TCF20: variants seen among roughly 807,000 people sequenced by gnomAD.
TCF20 encodes the protein transcription factor 20, also known as SPRE-binding protein.
In TCF20, 3 loss-of-function variants were observed where a neutral mutation model predicts 148.6. The ratio of observed to expected loss-of-function variants is 0.02; its 90% CI spans 0.01 to 0.05. The LOEUF (loss-of-function observed/expected upper bound fraction) is 0.05, where lower values mean the gene tolerates loss of function less well. Among genes scored for constraint, TCF20 ranks in the 10% least tolerant of loss-of-function variants. The pLI is 1.00. For missense variants in TCF20, 2,350 were observed against 2,429.3 expected (o/e 0.97, Z 0.69); for synonymous variants, 1,049 against 909.5 (o/e 1.15, Z -2.76).
intron 2 of TCF20, among the ~76,000 whole-genome samples, chr22:42,205,611 G>A (rs1313070461): frequency 6.6e-6 from 1 of 152,150 alleles, no homozygotes; most frequent in Non-Finnish European, 1.5e-5. Context: ...CTGGACAATT[G>A]AAACATCATC....
At position 42,163,955 on chromosome 22, in the gene TCF20, G is replaced by A. The variant is rs1472124186; in HGVS notation, c.*45-2597C>T. On this transcript the variant is annotated intron_variant, in intron 5 of 5. Transcript: ENST00000677622. ...TTGGCCTCATCCGTGGCCTGAACCCGGGACGCCATCCTCGCGTCCTTCCAC... is the reference window on the plus strand; with the variant it reads ...TTGGCCTCATCCGTGGCCTGAACCCAGGACGCCATCCTCGCGTCCTTCCAC... 4.6e-5 allele frequency among the ~76,000 whole-genome samples: 7 copies of A among 151,998 alleles called. No homozygotes were observed. The East Asian group carries it at 5.8e-4, about 13-fold the overall frequency.
chr22:42,264,555 G>T (rs779750531), intron 1 of TCF20, among the ~76,000 whole-genome samples: 4 of 152,162 alleles, frequency 2.6e-5, no homozygotes, highest in Non-Finnish European at 5.9e-5. Flanking sequence ...AACTTCTCAA[G>T]ATGCTCAGGG....
chr22:42,302,316 T>G (rs532881725), intron 1 of TCF20, among the ~76,000 whole-genome samples: 1 of 152,226 alleles, frequency 6.6e-6, no homozygotes, highest in Non-Finnish European at 1.5e-5. Context: ...AGACGGTCTC[T>G]GTGGGGACCC....
chr22:42,194,451 C>T (rs184807752), intron 2 of TCF20, among the ~76,000 whole-genome samples: 102 of 152,296 alleles, frequency 6.7e-4, no homozygotes, highest in Admixed American at 1.2e-3. Context: ...CAACCCCGGC[C>T]GCCTTGCACA....
intron 2 of TCF20, among the ~76,000 whole-genome samples, chr22:42,201,066 C>T (rs189884387): frequency 6.6e-6 from 1 of 152,260 alleles, no homozygotes; most frequent in East Asian, 1.9e-4. Context: ...TCTCACAAGA[C>T]CTGGTTGTTT....
intron 1 of TCF20, among the ~76,000 whole-genome samples, chr22:42,276,100 T>C (rs1926772660): frequency 6.6e-6 from 1 of 152,230 alleles, no homozygotes; most frequent in Non-Finnish European, 1.5e-5. Context: ...CATCATTGTC[T>C]GGGCTCCACG....
chr22:42,204,222 C>T (rs1019173772), intron 2 of TCF20, among the ~76,000 whole-genome samples: 5 of 152,192 alleles, frequency 3.3e-5, no homozygotes, highest in Admixed American at 6.5e-5. Flanking sequence ...TGGCCAGGTG[C>T]AGTGGCTCAC....
intron 1 of TCF20, among the ~76,000 whole-genome samples, chr22:42,229,559 G>C (rs1021127581): frequency 1.3e-5 from 2 of 152,180 alleles, no homozygotes; most frequent in African/African-American, 4.8e-5. Flanking sequence ...ACAGTGAAGA[G>C]AGAGGGTCAG....
chr22:42,271,820 G>A (rs765643070), upstream of TCF20, among the ~76,000 whole-genome samples: 1 of 152,224 alleles, frequency 6.6e-6, no homozygotes, highest in Non-Finnish European at 1.5e-5. Context: ...CCGGCAGCAG[G>A]TGGGGATTGT....
chr22:42,339,002 G>C (rs530174821), intron 1 of TCF20, among the ~76,000 whole-genome samples: 1 of 152,206 alleles, frequency 6.6e-6, no homozygotes, highest in East Asian at 1.9e-4. Flanking sequence ...GCCCTTTAAA[G>C]CCCTCCCACG....
Position 42,214,722 on chromosome 22 carries a change from G to A in TCF20, c.584C>T (p.Pro195Leu), listed in dbSNP as rs199879092. 1 of 1,614,128 alleles carries A rather than the reference G, an allele frequency of 6.2e-7. No individual in the cohort carries two copies. Among genetic ancestry groups the A allele is most frequent in the Admixed American group, 1.7e-5 (1 of 60,012 alleles). The stretch of plus-strand genomic sequence containing the variant: ...GGATGCTGGTTGGCCAGTGGCCTGT[G>A]GCAGGGGCTGATGGGACTGGTAAAG... ...QQLYQSHQPL[P>L]QATGQPASSS... is the part of the protein sequence containing the mutation. Residue 195 changes from proline to leucine, a missense_variant, in exon 2 of 6, where the codon CCA becomes CTA. Pro to Leu is a moderately conservative substitution (Grantham distance 98). Coordinates refer to ENST00000677622, the MANE Select transcript of TCF20 (RefSeq NM_001378418.1).
rs749304184 is a variant in TCF20 at position 42,211,406 on chromosome 22, G to A, written c.3900C>T (p.Ala1300=). Residue 1300 remains alanine, a synonymous_variant, in exon 2 of 6, where the codon GCC becomes GCT. Coordinates refer to ENST00000677622, the MANE Select transcript of TCF20 (RefSeq NM_001378418.1). ...EGADKAFNSY[A]HLSHSQDIKS... is the part of the protein sequence containing the mutation. The stretch of plus-strand genomic sequence containing the variant: ...TGATATCCTGACTGTGAGAAAGATG[G>A]GCATAGGAATTGAATGCTTTATCAG... 1 of 1,614,152 alleles carries A rather than the reference G, an allele frequency of 6.2e-7. No homozygotes were observed. The highest frequency in any genetic ancestry group is 8.5e-7 in the Non-Finnish European group (1 of 1,180,040).
At chr22:42,253,589 T>C (rs1925550700) in intron 1 of TCF20, among the ~76,000 whole-genome samples, 1 of 152,182 alleles carries the variant, frequency 6.6e-6, no homozygotes, top group African/African-American at 2.4e-5. Context: ...AAAGTTTTAT[T>C]TATATAAAAA....
chr22:42,219,045 C>T (rs1222616368), intron 1 of TCF20, among the ~76,000 whole-genome samples: 1 of 151,928 alleles, frequency 6.6e-6, no homozygotes, highest in Non-Finnish European at 1.5e-5. Flanking sequence ...TTAAGAAAAC[C>T]AACTAGCATA....
At chr22:42,205,831 G>A (rs1455509374) in intron 2 of TCF20, among the ~76,000 whole-genome samples, 1 of 152,142 alleles carries the variant, frequency 6.6e-6, no homozygotes, top group Non-Finnish European at 1.5e-5. Flanking sequence ...GAGTGCAGTG[G>A]CACCATCTTG....
intron 5 of TCF20, 84 bp from the exon 6 acceptor site, chr22:42,161,442 G>A (rs999999182): frequency 1.3e-6 from 2 of 1,597,650 alleles, no homozygotes; most frequent in Non-Finnish European, 1.7e-6. Context: ...GTACCCCTGG[G>A]AGCTTTCAGC....
At chr22:42,242,096 G>A (rs192150588) in intron 1 of TCF20, among the ~76,000 whole-genome samples, 11 of 150,944 alleles carry the variant, frequency 7.3e-5, no homozygotes, top group Non-Finnish European at 1.2e-4. Flanking sequence ...CCAGCTACTC[G>A]GGAGGCCGAG....
chr22:42,271,225 G>A (rs1601685732), upstream of TCF20, among the ~76,000 whole-genome samples: 2 of 152,258 alleles, frequency 1.3e-5, no homozygotes, highest in South Asian at 2.1e-4. Flanking sequence ...AGGTGTCCGT[G>A]GAGGAACGAC....
At chr22:42,185,242 C>T (rs2142695) in intron 2 of TCF20, among the ~76,000 whole-genome samples, 8,915 of 152,292 alleles carry the variant, frequency 0.059, 509 homozygotes, top group Admixed American at 0.18. Context: ...GTGCCTAAGA[C>T]GGCTCTTATC....
Sources: allele counts gnomAD v4.1 joint callset (sites outside exome capture counted in the v4.1 genomes callset), GRCh38; gene constraint gnomAD v4.1.1; transcripts MANE v1.5; gene names NCBI Gene and HGNC (gene_info 2026-07-23, HGNC 2026-07-21).